Variants in NME9 observed in about 807,000 individuals in gnomAD.
NME9 encodes the protein thioredoxin domain-containing protein 6.
NME9 carries 48 observed loss-of-function variants against 44.4 expected under a neutral mutation model. The ratio of observed to expected loss-of-function variants is 1.08; its 90% CI spans 0.86 to 1.37. The LOEUF (loss-of-function observed/expected upper bound fraction) is 1.37, where lower values mean the gene tolerates loss of function less well. Ranked by LOEUF, NME9 falls within the 40% of genes most tolerant of loss-of-function variation. NME9 has a pLI of 0.00. For synonymous variants in NME9, 139 were observed against 147.1 expected (o/e 0.94, Z 0.40); for missense variants, 325 against 405.2 (o/e 0.80, Z 1.70).
chr3:138,264,266 C>G (rs1458902026), intron 8 of NME9: 9 of 1,413,324 alleles, frequency 6.4e-6, no homozygotes, highest in African/African-American at 1.4e-5. Context: ...CTAGAGTGAG[C>G]TGAGCTAGCT....
At chr3:138,269,441 A>G (rs1272867960) in intron 8 of NME9, among the ~76,000 whole-genome samples, 2 of 152,218 alleles carry the variant, frequency 1.3e-5, no homozygotes, top group Non-Finnish European at 2.9e-5. Context: ...TAGATGTAAA[A>G]TGTGGCATGA....
At chr3:138,313,901 G>T (rs2052881392) in intron 6 of NME9, among the ~76,000 whole-genome samples, 1 of 152,148 alleles carries the variant, frequency 6.6e-6, no homozygotes, top group Admixed American at 6.5e-5. Context: ...GATTACCAGA[G>T]GCCAGGAAGT....
At chr3:138,321,672 A>G (rs2053472825) in intron 2 of NME9, among the ~76,000 whole-genome samples, 1 of 152,186 alleles carries the variant, frequency 6.6e-6, no homozygotes, top group South Asian at 2.1e-4. Context: ...GCCATGTAGC[A>G]CAATTTTGCA....
chr3:138,307,618 A>C (rs572077402), intron 6 of NME9, among the ~76,000 whole-genome samples: 1 of 152,344 alleles, frequency 6.6e-6, no homozygotes, highest in Admixed American at 6.5e-5. Flanking sequence ...TTTAGATTTT[A>C]AGAGAGTTTT....
At chr3:138,294,620 G>A (rs184729593) in intron 8 of NME9, among the ~76,000 whole-genome samples, 1 of 152,274 alleles carries the variant, frequency 6.6e-6, no homozygotes, top group African/African-American at 2.4e-5. Context: ...CCAGCTTATT[G>A]TATGCATAGT....
chr3:138,294,445 C>T (rs748091503), intron 8 of NME9, among the ~76,000 whole-genome samples: 7 of 152,172 alleles, frequency 4.6e-5, no homozygotes, highest in Non-Finnish European at 7.3e-5. Context: ...CCTTGTAGAA[C>T]CCTACTTGCT....
intron 8 of NME9, chr3:138,284,535 T>C: frequency 1.3e-6 from 2 of 1,581,958 alleles, no homozygotes; most frequent in Non-Finnish European, 1.7e-6. Context: ...TGGTGAGCCC[T>C]TGTCCCCTTT....
At chr3:138,303,995 A>C (rs2052037717) in intron 9 of NME9, among the ~76,000 whole-genome samples, 1 of 152,220 alleles carries the variant, frequency 6.6e-6, no homozygotes, top group Non-Finnish European at 1.5e-5. Flanking sequence ...CTAGCACCAT[A>C]CCAAGTGCTT....
chr3:138,267,060 T>C (rs1038119921), intron 8 of NME9: 2 of 700,568 alleles, frequency 2.9e-6, no homozygotes, highest in Non-Finnish European at 4.6e-6. Flanking sequence ...GGTTGAAAGA[T>C]AATTGTTCTT....
rs1245187774 is a variant in NME9 at position 138,301,075 on chromosome 3, AT to A, written c.*564del. On this transcript the variant is annotated 3_prime_UTR_variant, in exon 11 of 11. Transcript: ENST00000333911. ...CAGTATCCTCTGAGATGACACTTAT[AT>A]CTCACAACAGGATGTAATAACTGAT... is the stretch of plus-strand genomic sequence containing the variant. The A allele has an allele frequency of 1.5e-5, 15 of 974,740 alleles. No individual in the cohort carries two copies. The African/African-American group carries it at 2.5e-4, about 16-fold the overall frequency. 60.4% of individuals were successfully genotyped at this position (974,740 alleles called of 1,614,324 possible).
At chr3:138,306,316 T>A in intron 7 of NME9, 82 bp downstream of exon 7, 1 of 1,060,582 alleles carries the variant, frequency 9.4e-7, no homozygotes, top group Non-Finnish European at 1.5e-6. Flanking sequence ...CACTAAGATA[T>A]CACTGCCCAG....
intron 5 of NME9, among the ~76,000 whole-genome samples, chr3:138,314,682 G>T (rs951083849): frequency 3.3e-5 from 5 of 152,128 alleles, no homozygotes; most frequent in African/African-American, 9.7e-5. Flanking sequence ...AGAAGACAAA[G>T]AATTGAAATG....
At chr3:138,292,722 G>A (rs1399337649) in intron 8 of NME9, among the ~76,000 whole-genome samples, 1 of 152,186 alleles carries the variant, frequency 6.6e-6, no homozygotes, top group Non-Finnish European at 1.5e-5. Context: ...ATATCCAAGG[G>A]ACTTGGAAGA....
At chr3:138,281,328 CTG>C (rs1433353818) in intron 8 of NME9, among the ~76,000 whole-genome samples, 1 of 150,606 alleles carries the variant, frequency 6.6e-6, no homozygotes, top group African/African-American at 2.4e-5. Context: ...GAGTCTCACT[CTG>C]TTGCCAGGCT....
rs1388635313 is a variant in NME9 at position 138,301,052 on chromosome 3, G to A, written c.*588C>T. 6.2e-6 allele frequency: 6 copies of A among 975,602 alleles called. No individual in the cohort carries two copies. The highest frequency in any genetic ancestry group is 7.3e-6 in the Non-Finnish European group (6 of 821,196). 60.4% of individuals were successfully genotyped at this position (975,602 alleles called of 1,614,324 possible). On this transcript the variant is annotated 3_prime_UTR_variant, in exon 11 of 11. Coordinates refer to ENST00000333911, the MANE Select transcript of NME9 (RefSeq NM_001349018.2). ...GGGAAACACCATCTCATATAACCCA[G>A]TATCCTCTGAGATGACACTTATATC...
At chr3:138,267,385 TGC>T in intron 8 of NME9, 1 of 491,690 alleles carries the variant, frequency 2.0e-6, no homozygotes, top group Non-Finnish European at 3.6e-6. Flanking sequence ...GGTAGGGGTG[TGC>T]AAATAAATCA....
At chr3:138,320,811 G>A (rs1026929669) in intron 2 of NME9, among the ~76,000 whole-genome samples, 2 of 152,176 alleles carry the variant, frequency 1.3e-5, no homozygotes, top group Non-Finnish European at 2.9e-5. Flanking sequence ...AGACCTGCCC[G>A]AGATGGTGTG....
chr3:138,323,464 G>GT (rs1310143689), intron 2 of NME9, among the ~76,000 whole-genome samples: 2 of 152,124 alleles, frequency 1.3e-5, no homozygotes, highest in African/African-American at 4.8e-5. Context: ...GAGAAAAGCT[G>GT]TGATGGTCTT....
chr3:138,306,494 T>C lies in NME9; in HGVS notation c.461-14A>G. The C allele has an allele frequency of 6.3e-7, 1 of 1,575,776 alleles. No individual in the cohort carries two copies. Among genetic ancestry groups the C allele is most frequent in the Non-Finnish European group, 8.7e-7 (1 of 1,151,806 alleles). On this transcript the variant is annotated splice_polypyrimidine_tract_variant and intron_variant, in intron 6 of 10. Transcript: ENST00000333911. The stretch of plus-strand genomic sequence containing the variant: ...TCTCTGATGAAACTAAGCCAAAAAA[T>C]GGTGCTGTCAGATGCTGATGTTTGA...
Sources: allele counts gnomAD v4.1 joint callset (sites outside exome capture counted in the v4.1 genomes callset), GRCh38; gene constraint gnomAD v4.1.1; transcripts MANE v1.5; gene names NCBI Gene and HGNC (gene_info 2026-07-23, HGNC 2026-07-21).